The following ZDHHC21 variants were observed in gnomAD, a reference collection of about 807,000 sequenced individuals.
The protein encoded by ZDHHC21 is palmitoyltransferase ZDHHC21.
A neutral mutation model predicts 34.6 loss-of-function variants in ZDHHC21; 15 were observed. The ratio of observed to expected loss-of-function variants is 0.43; its 90% CI spans 0.29 to 0.67. ZDHHC21 has a LOEUF of 0.67. Among genes scored for constraint, ZDHHC21 ranks in the 30% least tolerant of loss-of-function variants. ZDHHC21 has a pLI of 0.14. For missense variants in ZDHHC21, 344 were observed against 327.7 expected (o/e 1.05, Z -0.38); for synonymous variants, 142 against 101.8 (o/e 1.40, Z -2.38).
intron 8 of ZDHHC21, among the ~76,000 whole-genome samples, chr9:14,630,649 A>T (rs1827175180): frequency 6.6e-6 from 1 of 152,326 alleles, no homozygotes; most frequent in East Asian, 1.9e-4. Flanking sequence ...TAGCCCATGA[A>T]ATGTATTTCT....
downstream of ZDHHC21, among the ~76,000 whole-genome samples, chr9:14,610,151 A>G (rs181776845): frequency 1.3e-5 from 2 of 151,990 alleles, no homozygotes; most frequent in African/African-American, 4.8e-5. Flanking sequence ...TTTATTTTCT[A>G]TTACAATAAA....
In ZDHHC21 at chr9:14,614,175, C is replaced by A. The variant is rs541738033; in HGVS notation, c.*4791G>T. ...TTATTCATGCACCATCTAGCCTTCT[C>A]TCCATCTTAGTAAGTTTGTGGATAC... is the stretch of plus-strand genomic sequence containing the variant. On this transcript the variant is annotated 3_prime_UTR_variant, in exon 10 of 10. Transcript: ENST00000380916. 6.6e-6 allele frequency: 1 copy of A among 151,852 alleles called. No homozygotes were observed. The highest frequency in any genetic ancestry group is 2.4e-5 in the African/African-American group (1 of 41,510). The allele number at this position is 151,852 out of a possible 1,614,324, so 9.4% of individuals were successfully genotyped here. A position where few individuals can be genotyped will look rare whatever the true frequency, so the allele number is the denominator to read the frequency against.
intron 8 of ZDHHC21, among the ~76,000 whole-genome samples, chr9:14,623,786 G>A (rs1372383537): frequency 6.6e-6 from 1 of 151,914 alleles, no homozygotes; most frequent in African/African-American, 2.4e-5. Context: ...AACCACAATG[G>A]GAAATCATGT....
intron 8 of ZDHHC21, among the ~76,000 whole-genome samples, chr9:14,627,700 G>C (rs1015285087): frequency 6.6e-6 from 1 of 152,084 alleles, no homozygotes; most frequent in African/African-American, 2.4e-5. Context: ...ATAGCTCACT[G>C]TCAGAACCTC....
intron 1 of ZDHHC21, among the ~76,000 whole-genome samples, chr9:14,691,335 T>C (rs1839121171): frequency 6.6e-6 from 1 of 152,216 alleles, no homozygotes; most frequent in South Asian, 2.1e-4. Context: ...CTTGTTACTA[T>C]TCACTATAAC....
At chr9:14,625,486 T>G (rs1247651352) in intron 8 of ZDHHC21, among the ~76,000 whole-genome samples, 1 of 152,064 alleles carries the variant, frequency 6.6e-6, no homozygotes, top group Admixed American at 6.5e-5. Context: ...ACTTTCTGAC[T>G]GTATAATCTA....
chr9:14,687,726 A>C (rs972944255), intron 2 of ZDHHC21, among the ~76,000 whole-genome samples: 1 of 150,926 alleles, frequency 6.6e-6, no homozygotes, highest in Admixed American at 6.6e-5. Context: ...ACATTCAAAA[A>C]ATTGGAACAA....
At chr9:14,692,024 A>G (rs1477583428) in intron 1 of ZDHHC21, among the ~76,000 whole-genome samples, 1 of 152,212 alleles carries the variant, frequency 6.6e-6, no homozygotes, top group African/African-American at 2.4e-5. Context: ...ATGGGACTAG[A>G]ATCTAGTTTT....
intron 8 of ZDHHC21, among the ~76,000 whole-genome samples, chr9:14,623,592 A>G (rs973526983): frequency 6.0e-5 from 9 of 151,076 alleles, no homozygotes; most frequent in Admixed American, 5.3e-4. Flanking sequence ...GCAACTATAC[A>G]TCTGACAAGG....
At chr9:14,670,620 T>C (rs1835273719) in intron 5 of ZDHHC21, among the ~76,000 whole-genome samples, 1 of 152,132 alleles carries the variant, frequency 6.6e-6, no homozygotes, top group African/African-American at 2.4e-5. Flanking sequence ...TGCTAATCTA[T>C]GGTCTGGACC....
the ZDHHC21 span, among the ~76,000 whole-genome samples, chr9:14,604,981 G>A: frequency 6.6e-6 from 1 of 152,050 alleles, no homozygotes; most frequent in East Asian, 1.9e-4. Context: ...TCTGTGGCTG[G>A]CTTATTTCAC....
rs1403727563 is a variant in ZDHHC21 at position 14,614,142 on chromosome 9, G to C, written c.*4824C>G. Reference sequence around the variant, plus strand: ...TGGCTCCAGTCAACTCTGTTGCTGAGATGCTGATTATTCATGCACCATCTA... The same window carrying C: ...TGGCTCCAGTCAACTCTGTTGCTGACATGCTGATTATTCATGCACCATCTA... On this transcript the variant is annotated 3_prime_UTR_variant, in exon 10 of 10. Coordinates refer to ENST00000380916, the MANE Select transcript of ZDHHC21 (RefSeq NM_178566.6). The C allele has an allele frequency of 1.3e-5, 2 of 151,826 alleles. No individual in the cohort carries two copies. The highest frequency in any genetic ancestry group is 4.8e-5 in the African/African-American group (2 of 41,520). 9.4% of individuals were successfully genotyped at this position (151,826 alleles called of 1,614,324 possible). A position where few individuals can be genotyped will look rare whatever the true frequency, so the allele number is the denominator to read the frequency against.
chr9:14,689,191 G>T (rs1048178781), intron 2 of ZDHHC21, among the ~76,000 whole-genome samples: 1 of 152,116 alleles, frequency 6.6e-6, no homozygotes, highest in African/African-American at 2.4e-5. Flanking sequence ...TCTACACGTT[G>T]GTTAGGGGGA....
chr9:14,596,832 G>C, the ZDHHC21 span, among the ~76,000 whole-genome samples: 1 of 152,168 alleles, frequency 6.6e-6, no homozygotes, highest in Non-Finnish European at 1.5e-5. Flanking sequence ...CCTAAACAGT[G>C]AGTAGAAGAT....
chr9:14,640,318 A>AG (rs1554764168), intron 7 of ZDHHC21, among the ~76,000 whole-genome samples: 2 of 150,658 alleles, frequency 1.3e-5, no homozygotes, highest in African/African-American at 2.4e-5. Flanking sequence ...GAAAAAAAAA[A>AG]AAAAAAAGAA....
intron 7 of ZDHHC21, 74 bp downstream of exon 7, chr9:14,658,675 G>T (rs1832790108): frequency 7.9e-7 from 1 of 1,273,740 alleles, no homozygotes; most frequent in Admixed American, 1.9e-5. Context: ...GTTTCACCGT[G>T]TTAGCCAGGA....
chr9:14,662,432 C>CT, intron 5 of ZDHHC21, 106 bp from the exon 6 acceptor site: 1 of 777,534 alleles, frequency 1.3e-6, no homozygotes, highest in Non-Finnish European at 2.0e-6. Context: ...ACATAAAACT[C>CT]TAAGAGATTT....
intron 7 of ZDHHC21, among the ~76,000 whole-genome samples, chr9:14,644,092 C>G (rs1054144503): frequency 6.6e-6 from 1 of 152,168 alleles, no homozygotes; most frequent in African/African-American, 2.4e-5. Flanking sequence ...TAAGTTTCTT[C>G]TAAAGGACTT....
In ZDHHC21 at chr9:14,615,874, G is replaced by A. The variant is rs1370086606; in HGVS notation, c.*3092C>T. The A allele has an allele frequency of 6.6e-6, 1 of 151,556 alleles. No homozygotes were observed. The highest frequency in any genetic ancestry group is 2.4e-5 in the African/African-American group (1 of 41,342). 9.4% of individuals were successfully genotyped at this position (151,556 alleles called of 1,614,324 possible). Reference sequence around the variant, plus strand: ...TAAAATCAAATAGAATGTTTATAAAGAAATACTTCAGTCCAACATACATAT... The same window carrying A: ...TAAAATCAAATAGAATGTTTATAAAAAAATACTTCAGTCCAACATACATAT... On this transcript the variant is annotated 3_prime_UTR_variant, in exon 10 of 10. Coordinates refer to ENST00000380916, the MANE Select transcript of ZDHHC21 (RefSeq NM_178566.6).
Sources: allele counts gnomAD v4.1 joint callset (sites outside exome capture counted in the v4.1 genomes callset), GRCh38; gene constraint gnomAD v4.1.1; transcripts MANE v1.5; gene names NCBI Gene and HGNC (gene_info 2026-07-23, HGNC 2026-07-21).